B3GALNT1: variants seen among roughly 807,000 people sequenced by gnomAD.
B3GALNT1 encodes UDP-GalNAc:beta-1,3-N-acetylgalactosaminyltransferase 1.
In B3GALNT1, 17 loss-of-function variants were observed where a neutral mutation model predicts 27.3. The observed-to-expected ratio is 0.62, with a 90% CI of 0.43 to 0.94. B3GALNT1 has a LOEUF of 0.94. B3GALNT1 is among the 40% of genes least tolerant of loss of function. B3GALNT1 has a pLI of 0.00. For missense variants in B3GALNT1, 347 were observed against 390.0 expected (o/e 0.89, Z 0.93); for synonymous variants, 141 against 144.0 (o/e 0.98, Z 0.15).
chr3:161,087,128 TA>T (rs968723353), intron 4 of B3GALNT1, among the ~76,000 whole-genome samples: 10 of 152,144 alleles, frequency 6.6e-5, no homozygotes, highest in African/African-American at 2.4e-4. Flanking sequence ...AATGATGGGT[TA>T]AAAAATAAAT....
chr3:161,095,290 G>A (rs1378173627), intron 4 of B3GALNT1, among the ~76,000 whole-genome samples: 4 of 152,114 alleles, frequency 2.6e-5, no homozygotes, highest in Non-Finnish European at 4.4e-5. Flanking sequence ...GTCCTTCCCT[G>A]ACCCCTTATC....
chr3:161,103,916 G>A (rs969841650), intron 2 of B3GALNT1: 2 of 184,558 alleles, frequency 1.1e-5, no homozygotes, highest in Non-Finnish European at 2.3e-5. Flanking sequence ...TAGTAGAGAC[G>A]GGGTTTCACC....
In B3GALNT1 at chr3:161,086,793, AAG is replaced by A. The variant is rs767721062; in HGVS notation, c.-34-7_-34-6del. On this transcript the variant is annotated splice_polypyrimidine_tract_variant and splice_region_variant and intron_variant, in intron 4 of 4. Transcript: ENST00000320474. ...GAAGCACGCGAGCCGAAGGTTCTGG[AAG>A]AGTTATCAAAGATTGGGTTAATATT... is the stretch of plus-strand genomic sequence containing the variant. The A allele has an allele frequency of 1.8e-5, 29 of 1,609,602 alleles. No homozygotes were observed. Among genetic ancestry groups the A allele is most frequent in the Non-Finnish European group, 2.4e-5 (28 of 1,177,882 alleles).
At chr3:161,088,675 C>G (rs1723359393) in intron 4 of B3GALNT1, among the ~76,000 whole-genome samples, 1 of 152,172 alleles carries the variant, frequency 6.6e-6, no homozygotes, top group African/African-American at 2.4e-5. Flanking sequence ...CTTGAGGGAA[C>G]CATTTACAAC....
chr3:161,093,866 A>G (rs564605445), intron 4 of B3GALNT1, among the ~76,000 whole-genome samples: 1 of 152,262 alleles, frequency 6.6e-6, no homozygotes, highest in Admixed American at 6.5e-5. Flanking sequence ...ACTTGTGCTT[A>G]TATTAACTAC....
At chr3:161,100,163 T>C (rs1730451903) in intron 4 of B3GALNT1, among the ~76,000 whole-genome samples, 1 of 152,246 alleles carries the variant, frequency 6.6e-6, no homozygotes, top group African/African-American at 2.4e-5. Flanking sequence ...CGAAGGTCCC[T>C]TCTAACTACA....
chr3:161,099,830 A>ACC lies in B3GALNT1; in HGVS notation c.-35+1307_-35+1308dup, dbSNP rs1422358727. ...CTCTAACACACACACACACACACAC[A>ACC]CCCCTAATACACTCCTAGGTTCAAG... On this transcript the variant is annotated intron_variant, in intron 4 of 4. Transcript: ENST00000320474. Among the ~76,000 whole-genome samples, 208 of 151,332 alleles carry ACC rather than the reference A, an allele frequency of 1.4e-3. 1 individual carries two copies. The highest frequency in any genetic ancestry group is 4.8e-3 in the African/African-American group (198 of 40,922).
chr3:161,092,422 A>G (rs1725612850), intron 4 of B3GALNT1, among the ~76,000 whole-genome samples: 5 of 152,192 alleles, frequency 3.3e-5, no homozygotes, highest in Admixed American at 3.3e-4. Context: ...TTTAGAAGCA[A>G]CTACGTATAA....
chr3:161,100,872 T>C (rs1730898896), intron 4 of B3GALNT1, among the ~76,000 whole-genome samples: 1 of 152,058 alleles, frequency 6.6e-6, no homozygotes. Flanking sequence ...CTGGGCACTA[T>C]ACAAGTTTAT....
chr3:161,091,441 G>A (rs1019466223), intron 4 of B3GALNT1, among the ~76,000 whole-genome samples: 8 of 152,030 alleles, frequency 5.3e-5, no homozygotes, highest in South Asian at 4.1e-4. Context: ...GCTTTAAATC[G>A]CGCACTGTTC....
rs1354515925 is a variant in B3GALNT1 at position 161,085,059 on chromosome 3, T to C, written c.*700A>G. ...AACAAAGTCCAAGAGATTACTGATA[T>C]GCAATAATGACCTATGACTTTACAT... is the stretch of plus-strand genomic sequence containing the variant. On this transcript the variant is annotated 3_prime_UTR_variant, in exon 5 of 5. Coordinates refer to ENST00000320474, the MANE Select transcript of B3GALNT1 (RefSeq NM_003781.4). 1.3e-5 allele frequency: 2 copies of C among 152,218 alleles called. No individual in the cohort carries two copies. The highest frequency in any genetic ancestry group is 4.8e-5 in the African/African-American group (2 of 41,468). 9.4% of individuals were successfully genotyped at this position (152,218 alleles called of 1,614,324 possible). A position where few individuals can be genotyped will look rare whatever the true frequency, so the allele number is the denominator to read the frequency against.
intron 4 of B3GALNT1, among the ~76,000 whole-genome samples, chr3:161,092,705 C>A (rs1245059580): frequency 2.0e-5 from 3 of 150,730 alleles, no homozygotes; most frequent in Non-Finnish European, 3.0e-5. Context: ...TTGACTGCAA[C>A]AATGACTAGT....
At chr3:161,097,249 A>G (rs577165112) in intron 4 of B3GALNT1, among the ~76,000 whole-genome samples, 27 of 152,224 alleles carry the variant, frequency 1.8e-4, no homozygotes, top group Non-Finnish European at 3.4e-4. Flanking sequence ...CCAGAGCTAC[A>G]TGAAATAATA....
chr3:161,098,756 A>G (rs145965279), intron 4 of B3GALNT1, among the ~76,000 whole-genome samples: 117 of 152,338 alleles, frequency 7.7e-4, no homozygotes, highest in African/African-American at 2.7e-3. Context: ...ATGCATCTGT[A>G]TTCCAAATAA....
intron 4 of B3GALNT1, among the ~76,000 whole-genome samples, chr3:161,097,094 A>C (rs36105583): frequency 0.14 from 21,745 of 152,266 alleles, 1,793 homozygotes; most frequent in East Asian, 0.25. Context: ...CTAGTGAATC[A>C]GAAACATTTT....
At chr3:161,091,607 T>C (rs1576685547) in intron 4 of B3GALNT1, among the ~76,000 whole-genome samples, 1 of 152,214 alleles carries the variant, frequency 6.6e-6, no homozygotes, top group African/African-American at 2.4e-5. Context: ...ATCTCAGTAC[T>C]TGTGTGCAAG....
chr3:161,094,232 C>T (rs1436590532), intron 4 of B3GALNT1, among the ~76,000 whole-genome samples: 1 of 152,136 alleles, frequency 6.6e-6, no homozygotes, highest in Non-Finnish European at 1.5e-5. Flanking sequence ...TTTCTTGCAA[C>T]CATTGAACTT....
chr3:161,097,799 T>G (rs914777791), intron 4 of B3GALNT1, among the ~76,000 whole-genome samples: 1 of 152,178 alleles, frequency 6.6e-6, no homozygotes, highest in African/African-American at 2.4e-5. Flanking sequence ...CCAGCTGTAG[T>G]GCGTGTGATA....
At chr3:161,089,645 T>C (rs575768678) in intron 4 of B3GALNT1, among the ~76,000 whole-genome samples, 19 of 151,988 alleles carry the variant, frequency 1.3e-4, no homozygotes, top group Non-Finnish European at 2.2e-4. Flanking sequence ...CTATTCAATA[T>C]AAGGTAGGAA....
Sources: gnomAD v4.1 joint callset for allele counts (sites outside exome capture counted in the v4.1 genomes callset) on GRCh38, gnomAD v4.1.1 for gene constraint, MANE v1.5 for transcripts, NCBI Gene and HGNC (gene_info 2026-07-23, HGNC 2026-07-21) for gene names.